CDK5RAP2: variants seen among roughly 807,000 people sequenced by gnomAD.
CDK5RAP2 encodes CDK5 regulatory subunit associated protein 2, also known as CDK5 regulatory subunit-associated protein 2.
CDK5RAP2 carries 147 observed loss-of-function variants against 232.9 expected under a neutral mutation model. That is an observed-to-expected ratio of 0.63 (90% CI 0.55 to 0.72). The LOEUF (loss-of-function observed/expected upper bound fraction) is 0.72, where lower values mean the gene tolerates loss of function less well. CDK5RAP2 is among the 30% of genes least tolerant of loss of function. The pLI, the probability that CDK5RAP2 is intolerant of heterozygous loss-of-function variation, is 0.00. For synonymous variants in CDK5RAP2, 833 were observed against 833.7 expected (o/e 1.00, Z 0.01); for missense variants, 2,195 against 2,231.5 (o/e 0.98, Z 0.33).
chr9:120,505,495 GA>G (rs1490167949), intron 12 of CDK5RAP2, among the ~76,000 whole-genome samples: 1 of 152,180 alleles, frequency 6.6e-6, no homozygotes, highest in Non-Finnish European at 1.5e-5. Flanking sequence ...GTGAAAGGAA[GA>G]GTCACATGTC....
intron 25 of CDK5RAP2, among the ~76,000 whole-genome samples, chr9:120,436,344 G>C (rs1225875084): frequency 6.6e-6 from 1 of 152,168 alleles, no homozygotes; most frequent in Non-Finnish European, 1.5e-5. Flanking sequence ...AAAGAAGAAA[G>C]GGTGAGGAAC....
chr9:120,466,076 A>G (rs959966119), intron 18 of CDK5RAP2, among the ~76,000 whole-genome samples: 1 of 152,216 alleles, frequency 6.6e-6, no homozygotes, highest in African/African-American at 2.4e-5. Context: ...TGGAGAAAAA[A>G]TACTGAATTT....
intron 32 of CDK5RAP2, 29 bp downstream of exon 32, chr9:120,406,983 C>T: frequency 1.3e-6 from 2 of 1,513,538 alleles, no homozygotes; most frequent in Non-Finnish European, 1.8e-6. Context: ...GCTGCATTCT[C>T]AGCAAGTGGG....
chr9:120,507,206 T>C (rs939506091), intron 12 of CDK5RAP2, among the ~76,000 whole-genome samples: 1 of 152,184 alleles, frequency 6.6e-6, no homozygotes, highest in Non-Finnish European at 1.5e-5. Context: ...TGTAATGCTG[T>C]TGCACACATA....
intron 28 of CDK5RAP2, among the ~76,000 whole-genome samples, chr9:120,413,614 C>T (rs2033990910): frequency 6.6e-6 from 1 of 152,160 alleles, no homozygotes; most frequent in Non-Finnish European, 1.5e-5. Flanking sequence ...GCCATTTGAG[C>T]CCCCAAATAA....
intron 12 of CDK5RAP2, among the ~76,000 whole-genome samples, chr9:120,514,910 T>C (rs1276653375): frequency 2.0e-5 from 3 of 152,212 alleles, no homozygotes; most frequent in African/African-American, 7.2e-5. Flanking sequence ...AAGTAAATTA[T>C]GAAACCAACA....
intron 26 of CDK5RAP2, 122 bp downstream of exon 26, chr9:120,422,571 C>G: frequency 1.3e-6 from 1 of 769,910 alleles, no homozygotes. Context: ...GATGTTTATA[C>G]CTTATTTACA....
chr9:120,441,129 A>G (rs2035874020), intron 23 of CDK5RAP2, among the ~76,000 whole-genome samples: 1 of 152,216 alleles, frequency 6.6e-6, no homozygotes, highest in South Asian at 2.1e-4. Flanking sequence ...GAGATGTCTC[A>G]TATGGTTGTA....
chr9:120,429,289 T>C lies in CDK5RAP2; in HGVS notation c.3956-6548A>G, dbSNP rs1164385196. Among the ~76,000 whole-genome samples, 333 of 151,176 alleles carry C rather than the reference T, an allele frequency of 2.2e-3. 2 individuals are homozygous for C. Among genetic ancestry groups the C allele is most frequent in the African/African-American group, 7.7e-3 (317 of 41,292 alleles). ...TTAGGCAGGAGAAGGAAATAAAGGG[T>C]ATTCAATTAGGAAAAGAGGAAGTCA... On this transcript the variant is annotated intron_variant, in intron 25 of 37. Coordinates refer to ENST00000349780, the MANE Select transcript of CDK5RAP2 (RefSeq NM_018249.6).
intron 10 of CDK5RAP2, among the ~76,000 whole-genome samples, chr9:120,525,543 C>CA (rs895894265): frequency 1.3e-5 from 2 of 152,100 alleles, no homozygotes; most frequent in African/African-American, 2.4e-5. Flanking sequence ...GCAGCTCTGA[C>CA]ACCAGTGTCC....
intron 10 of CDK5RAP2, among the ~76,000 whole-genome samples, chr9:120,526,567 G>T (rs1480991693): frequency 2.0e-5 from 3 of 151,688 alleles, no homozygotes; most frequent in African/African-American, 7.3e-5. Context: ...CCCTTTCTTG[G>T]CTCTCACTGA....
At chr9:120,440,132 CCA>C (rs1378617009) in intron 23 of CDK5RAP2, among the ~76,000 whole-genome samples, 160 bp from the exon 24 acceptor site, 13 of 152,146 alleles carry the variant, frequency 8.5e-5, no homozygotes, top group Non-Finnish European at 1.5e-5. Flanking sequence ...CAAAAAGCCT[CCA>C]GTCTTTCCTA....
At chr9:120,457,176 G>A (rs1334939805) in intron 20 of CDK5RAP2, among the ~76,000 whole-genome samples, 1 of 152,148 alleles carries the variant, frequency 6.6e-6, no homozygotes, top group African/African-American at 2.4e-5. Flanking sequence ...TAAAGGTTCA[G>A]GATCCCCCAA....
intron 35 of CDK5RAP2, among the ~76,000 whole-genome samples, chr9:120,400,187 G>C (rs1196002473): frequency 1.3e-5 from 2 of 152,124 alleles, no homozygotes; most frequent in Non-Finnish European, 2.9e-5. Context: ...CCCACACACA[G>C]AAATCAGAGG....
At chr9:120,404,557 G>A (rs972007354) in intron 32 of CDK5RAP2, among the ~76,000 whole-genome samples, 1 of 152,146 alleles carries the variant, frequency 6.6e-6, no homozygotes, top group Non-Finnish European at 1.5e-5. Flanking sequence ...CAGACAGTGG[G>A]ACAAAGAGTG....
rs1241049847 is a variant in CDK5RAP2 at position 120,402,931 on chromosome 9, G to A, written c.5182C>T (p.Leu1728=). Residue 1728 remains leucine (L), a synonymous_variant, in exon 34 of 38, where the codon CTG becomes TTG. Transcript: ENST00000349780. ...GCCTCATAGTCCTCAATCAGGCCCA[G>A]GACATGGCGGCCATTCTTGCTGGCC... ...LWASKNGRHV[L]GLIEDYEALL... The A allele has an allele frequency of 6.2e-7, 1 of 1,614,184 alleles. No individual in the cohort carries two copies. Among genetic ancestry groups the A allele is most frequent in the South Asian group, 1.1e-5 (1 of 91,084 alleles).
Position 120,389,235 on chromosome 9 carries a change from C to T in CDK5RAP2, c.*1G>A. 1 of 1,612,046 alleles carries T rather than the reference C, an allele frequency of 6.2e-7. No homozygotes were observed. The highest frequency in any genetic ancestry group is 8.5e-7 in the Non-Finnish European group (1 of 1,178,980). The stretch of plus-strand genomic sequence containing the variant: ...CAAGCTTTATTGGCTGAAAGTTCTT[C>T]TCAGGAGCCTGGTCTGCTGGGACTG... On this transcript the variant is annotated 3_prime_UTR_variant, in exon 38 of 38. Coordinates refer to ENST00000349780, the MANE Select transcript of CDK5RAP2 (RefSeq NM_018249.6).
At chr9:120,485,255 C>G (rs1314471846) in intron 14 of CDK5RAP2, among the ~76,000 whole-genome samples, 1 of 151,360 alleles carries the variant, frequency 6.6e-6, no homozygotes, top group Non-Finnish European at 1.5e-5. Context: ...CCCAACCTGT[C>G]CAATAAATCT....
chr9:120,458,106 T>C (rs1019637366), intron 20 of CDK5RAP2, among the ~76,000 whole-genome samples: 2 of 152,348 alleles, frequency 1.3e-5, no homozygotes, highest in African/African-American at 4.8e-5. Context: ...ACTACAATGG[T>C]ATTTTTTAAG....
Sources: gnomAD v4.1 joint callset for allele counts (sites outside exome capture counted in the v4.1 genomes callset) on GRCh38, gnomAD v4.1.1 for gene constraint, MANE v1.5 for transcripts, NCBI Gene and HGNC (gene_info 2026-07-23, HGNC 2026-07-21) for gene names.